The following CDH10 variants were observed in gnomAD, a reference collection of about 807,000 sequenced individuals.
CDH10 encodes cadherin 10, also known as cadherin-10.
CDH10 carries 30 observed loss-of-function variants against 73.1 expected under a neutral mutation model. The observed-to-expected ratio is 0.41, with a 90% CI of 0.31 to 0.56. The LOEUF is 0.56. Ranked by LOEUF, CDH10 falls within the 20% of genes least tolerant of loss-of-function variation. The probability of loss-of-function intolerance (pLI) is 0.27; values close to 1 mark genes in which losing one functional copy is unlikely to be tolerated. For missense variants in CDH10, 815 were observed against 973.7 expected, an observed-to-expected ratio of 0.84 and a Z score of 2.17; for synonymous variants, 345 against 348.2, an observed-to-expected ratio of 0.99 and a Z score of 0.10.
chr5:24,516,248 A>G (rs1579746660), intron 5 of CDH10, among the ~76,000 whole-genome samples: 1 of 149,084 alleles, frequency 6.7e-6, no homozygotes, highest in South Asian at 2.2e-4. Flanking sequence ...GGAGTATCCG[A>G]TGTCAATATG....
intron 2 of CDH10, among the ~76,000 whole-genome samples, chr5:24,546,163 T>C (rs537023778): frequency 6.6e-6 from 1 of 151,902 alleles, no homozygotes; most frequent in Non-Finnish European, 1.5e-5. Flanking sequence ...AGGCTATGAA[T>C]GCTATCCTTG....
rs779570072 is a variant in CDH10 at position 24,509,624 on chromosome 5, C to T, written c.1198G>A (p.Gly400Ser). 1 of 1,613,604 alleles carries T rather than the reference C, an allele frequency of 6.2e-7. No individual in the cohort carries two copies. The highest frequency in any genetic ancestry group is 2.2e-5 in the East Asian group (1 of 44,846). Residue 400 changes from glycine to serine, a missense_variant, in exon 7 of 12, where the codon GGC (glycine) becomes AGC (serine). Coordinates refer to ENST00000264463, the MANE Select transcript of CDH10 (RefSeq NM_006727.5). ...LFEVHEDIEVGTIIGTVMARD... is the reference protein window; with the variant it reads ...LFEVHEDIEVSTIIGTVMARD... ...GCCATTACAGTACCAATGATTGTGC[C>T]CACTTCAATATCTTCATGAACTTCA... is the stretch of plus-strand genomic sequence containing the variant.
chr5:24,502,121 A>AC (rs1316105457), intron 8 of CDH10, among the ~76,000 whole-genome samples: 1 of 151,884 alleles, frequency 6.6e-6, no homozygotes, highest in African/African-American at 2.4e-5. Flanking sequence ...AAGGGGTTTC[A>AC]CGGTGTTAGC....
At chr5:24,626,530 CAA>C (rs1265471197) in intron 1 of CDH10, among the ~76,000 whole-genome samples, 2 of 151,982 alleles carry the variant, frequency 1.3e-5, no homozygotes, top group African/African-American at 4.8e-5. Flanking sequence ...GAAAGTTTTC[CAA>C]AGTCATACAA....
rs1485482776 is a variant in CDH10, at chr5:24,606,200, T to C, written c.-123-12587A>G. Reference sequence around the variant, plus strand: ...ACCCTAGAAAGGATGAATTTTACTATCTGTAAATTTTACTTCCCTGCAAAT... The same window carrying C: ...ACCCTAGAAAGGATGAATTTTACTACCTGTAAATTTTACTTCCCTGCAAAT... On this transcript the variant is annotated intron_variant, in intron 1 of 11. Coordinates refer to ENST00000264463, the MANE Select transcript of CDH10 (RefSeq NM_006727.5). Among the ~76,000 whole-genome samples the C allele has an allele frequency of 2.0e-5, 3 of 152,274 alleles. No homozygotes were observed. The East Asian group carries it at 5.8e-4, about 29-fold the overall frequency.
intron 1 of CDH10, among the ~76,000 whole-genome samples, chr5:24,625,698 T>C (rs1579483305): frequency 7.1e-6 from 1 of 141,462 alleles, no homozygotes. Flanking sequence ...CCCTTCTAGG[T>C]GTACAGTTTA....
intron 7 of CDH10, among the ~76,000 whole-genome samples, chr5:24,509,244 T>TTC (rs1456997221): frequency 7.2e-6 from 1 of 139,540 alleles, no homozygotes; most frequent in African/African-American, 2.6e-5. Context: ...TTTTTCCTTT[T>TTC]TTTTTTTTTT....
chr5:24,627,226 TTACACATAA>T (rs895072564), intron 1 of CDH10, among the ~76,000 whole-genome samples: 80 of 152,220 alleles, frequency 5.3e-4, no homozygotes, highest in African/African-American at 1.8e-3. Flanking sequence ...TGACATTTTC[TTACACATAA>T]TACTAATCTT....
At chr5:24,635,677 G>A (rs1747845206) in intron 1 of CDH10, among the ~76,000 whole-genome samples, 1 of 151,874 alleles carries the variant, frequency 6.6e-6, no homozygotes, top group Admixed American at 6.6e-5. Context: ...TGCAATTTAA[G>A]CTTTCAGGTT....
At chr5:24,562,554 A>T (rs1321925678) in intron 2 of CDH10, among the ~76,000 whole-genome samples, 1 of 152,190 alleles carries the variant, frequency 6.6e-6, no homozygotes, top group African/African-American at 2.4e-5. Context: ...AAAATCTACA[A>T]GACTATTTGA....
At chr5:24,567,707 GT>G (rs1745215070) in intron 2 of CDH10, among the ~76,000 whole-genome samples, 1 of 151,992 alleles carries the variant, frequency 6.6e-6, no homozygotes, top group South Asian at 2.1e-4. Flanking sequence ...GTATTTTCAT[GT>G]AATTGCAAAT....
intron 1 of CDH10, among the ~76,000 whole-genome samples, chr5:24,594,772 A>C (rs1423070615): frequency 6.6e-6 from 1 of 151,952 alleles, no homozygotes; most frequent in African/African-American, 2.4e-5. Flanking sequence ...CATATATTCC[A>C]GTATACTCCA....
At chr5:24,524,376 G>C (rs896666050) in intron 5 of CDH10, among the ~76,000 whole-genome samples, 6 of 152,090 alleles carry the variant, frequency 3.9e-5, no homozygotes, top group African/African-American at 7.2e-5. Flanking sequence ...TTGACATTTC[G>C]GGCAAGCAGT....
At chr5:24,592,245 G>GA (rs796171695) in intron 2 of CDH10, among the ~76,000 whole-genome samples, 18 of 151,834 alleles carry the variant, frequency 1.2e-4, no homozygotes, top group African/African-American at 3.4e-4. Context: ...GTTTTTAGAA[G>GA]AAAAAATCTT....
rs117526797 is a variant in CDH10 at position 24,549,155 on chromosome 5, G to A, written c.232-11481C>T. ...TATATAGAATATACACAAACTGAAA[G>A]ATGCAGAAAACAAAAATATGAAAAC... On this transcript the variant is annotated intron_variant, in intron 2 of 11. Coordinates refer to ENST00000264463, the MANE Select transcript of CDH10 (RefSeq NM_006727.5). Among the ~76,000 whole-genome samples, 11 of 152,186 alleles carry A rather than the reference G, an allele frequency of 7.2e-5. No individual in the cohort carries two copies. The East Asian group carries it at 1.7e-3, about 24-fold the overall frequency.
intron 9 of CDH10, among the ~76,000 whole-genome samples, chr5:24,497,300 T>C (rs1190965545): frequency 1.3e-5 from 2 of 151,986 alleles, no homozygotes; most frequent in Non-Finnish European, 2.9e-5. Context: ...GTGGGTAATT[T>C]ATCTCTTAGA....
intron 1 of CDH10, among the ~76,000 whole-genome samples, chr5:24,628,675 TC>T (rs548021473): frequency 7.8e-4 from 119 of 152,254 alleles, no homozygotes; most frequent in Middle Eastern, 3.4e-3. Flanking sequence ...TTTCATTATG[TC>T]TGAACCCTTT....
chr5:24,511,771 G>T (rs1742921624), intron 5 of CDH10, among the ~76,000 whole-genome samples: 1 of 152,068 alleles, frequency 6.6e-6, no homozygotes, highest in African/African-American at 2.4e-5. Context: ...CCTAACAGTA[G>T]GACAAATTCT....
At chr5:24,535,370 A>AT (rs975664851) in intron 4 of CDH10, 91 bp from the exon 5 acceptor site, 20 of 1,222,956 alleles carry the variant, frequency 1.6e-5, no homozygotes, top group South Asian at 1.3e-4. Flanking sequence ...TAAGCTAGTG[A>AT]TTTTTTTGAA....
Sources: allele counts gnomAD v4.1 joint callset (sites outside exome capture counted in the v4.1 genomes callset), GRCh38; gene constraint gnomAD v4.1.1; transcripts MANE v1.5; gene names NCBI Gene and HGNC (gene_info 2026-07-23, HGNC 2026-07-21).